The following ALOXE3 variants were observed in gnomAD, a reference collection of about 807,000 sequenced individuals.
ALOXE3 encodes the protein hydroperoxide isomerase ALOXE3.
A neutral mutation model predicts 87.5 loss-of-function variants in ALOXE3; 78 were observed. That is an observed-to-expected ratio of 0.89 (90% CI 0.74 to 1.08). The LOEUF is 1.08. ALOXE3 is among the 50% of genes least tolerant of loss of function. ALOXE3 has a pLI of 0.00. For synonymous variants in ALOXE3, 363 were observed against 370.8 expected, an observed-to-expected ratio of 0.98 and a Z score of 0.24; for missense variants, 946 against 912.4, an observed-to-expected ratio of 1.04 and a Z score of -0.47.
intron 15 of ALOXE3, among the ~76,000 whole-genome samples, chr17:8,100,603 T>G (rs910950477): frequency 2.0e-5 from 3 of 152,222 alleles, no homozygotes; most frequent in African/African-American, 7.2e-5. Context: ...TGACATCTAA[T>G]TTCTTTTTTT....
At position 8,118,260 on chromosome 17, in the gene ALOXE3, C is replaced by T. The variant is rs1395571051; in HGVS notation, c.-270G>A. On this transcript the variant is annotated 5_prime_UTR_variant, in exon 2 of 16. Transcript: ENST00000448843. The stretch of plus-strand genomic sequence containing the variant: ...TGCTTGCCTCTGACACAGCCGGTCC[C>T]TCTGGCTGGCTCACCCAGATGGATA... 3 of 1,551,714 alleles carry T rather than the reference C, an allele frequency of 1.9e-6. No individual in the cohort carries two copies. Among genetic ancestry groups the T allele is most frequent in the Non-Finnish European group, 1.7e-6 (2 of 1,146,998 alleles).
Position 8,109,273 on chromosome 17 carries a change from T to C in ALOXE3, c.1463A>G (p.Asn488Ser), listed in dbSNP as rs148978476. ...STGLAHFTYTNFCLPDSLRAR... is the reference protein window; with the variant it reads ...STGLAHFTYTSFCLPDSLRAR... ...CCGCAGGCTGTCCGGAAGGCAGAAA[T>C]TGGTGTAGGTGAAGTGGGCCAGGCC... The change falls in exon 12 of 16, where the codon AAT becomes AGT. Residue 488 changes from asparagine to serine, a missense_variant. Asn to Ser is a conservative substitution (Grantham distance 46). Coordinates refer to ENST00000448843, the MANE Select transcript of ALOXE3 (RefSeq NM_021628.3). 3.7e-6 allele frequency: 6 copies of C among 1,614,006 alleles called. No individual in the cohort carries two copies. The African/African-American group carries it at 8.0e-5, about 22-fold the overall frequency.
chr17:8,111,365 C>T lies in ALOXE3; in HGVS notation c.951G>A (p.Glu317=), dbSNP rs1980066150. ...LLGQDTCLQT[E]LERGNIFLAD... ...TGCCCAGATCCTTACCCACCTCTAGCTCTGTCTGCAGGCATGTGTCCTGTC... is the reference window on the plus strand; with the variant it reads ...TGCCCAGATCCTTACCCACCTCTAGTTCTGTCTGCAGGCATGTGTCCTGTC... Residue 317 remains glutamate (E), a synonymous_variant, in exon 8 of 16, where the codon GAG becomes GAA. Coordinates refer to ENST00000448843, the MANE Select transcript of ALOXE3 (RefSeq NM_021628.3). The T allele has an allele frequency of 1.9e-6, 3 of 1,613,086 alleles. No individual in the cohort carries two copies. The highest frequency in any genetic ancestry group is 1.7e-6 in the Non-Finnish European group (2 of 1,180,036).
At position 8,107,897 on chromosome 17, in the gene ALOXE3, GAA is replaced by G. The variant is rs1356993530; in HGVS notation, c.1684+569_1684+570del. Among the ~76,000 whole-genome samples the G allele has an allele frequency of 1.2e-3, 6 of 4,820 alleles. 3 individuals are homozygous for G. Among genetic ancestry groups the G allele is most frequent in the African/African-American group, 4.9e-3 (6 of 1,224 alleles). The allele number at this position is 4,820 out of a possible 152,430, so 3.2% of individuals were successfully genotyped here. ...AGAAAGAAAGAAAGAAAGAAAGAAA[GAA>G]AGAAAGAAAGAAAGAAAGAAAGAAA... On this transcript the variant is annotated intron_variant, in intron 13 of 15. Coordinates refer to ENST00000448843, the MANE Select transcript of ALOXE3 (RefSeq NM_021628.3).
In ALOXE3 at chr17:8,115,622, C is replaced by A; in HGVS notation, c.419G>T (p.Arg140Leu). 1.2e-6 allele frequency: 2 copies of A among 1,613,836 alleles called. No homozygotes were observed. Among genetic ancestry groups the A allele is most frequent in the South Asian group, 2.2e-5 (2 of 91,068 alleles). Reference sequence around the variant, plus strand: ...CCACCCTCACCGGTAGCATTCTTGTCGGGCCCGGAGCTCCCGTGTCCTGTG... The same window carrying A: ...CCACCCTCACCGGTAGCATTCTTGTAGGGCCCGGAGCTCCCGTGTCCTGTG... The part of the protein sequence containing the change: ...LDHRTRELRA[R>L]QECYRWKIYA... Residue 140 changes from arginine to leucine, a missense_variant, in exon 4 of 16, where the codon CGA (arginine) becomes CTA (leucine). Transcript: ENST00000448843.
intron 15 of ALOXE3, among the ~76,000 whole-genome samples, chr17:8,100,126 G>A (rs1287142163): frequency 6.6e-5 from 10 of 151,574 alleles, no homozygotes; most frequent in Non-Finnish European, 5.9e-5. Flanking sequence ...AGAAAGAGAG[G>A]GAGGGAGGGA....
intron 15 of ALOXE3, among the ~76,000 whole-genome samples, chr17:8,100,241 G>A (rs539023911): frequency 6.6e-6 from 1 of 152,256 alleles, no homozygotes; most frequent in African/African-American, 2.4e-5. Flanking sequence ...TTGCAATCTT[G>A]GAAGCCAGCC....
rs71159546 is a variant in ALOXE3, at chr17:8,098,234, G to GTTTTTTTTTTT, written c.1957-1439_1957-1429dup. Among the ~76,000 whole-genome samples, 83 of 87,506 alleles carry GTTTTTTTTTTT rather than the reference G, an allele frequency of 9.5e-4. 3 individuals are homozygous for GTTTTTTTTTTT. Among genetic ancestry groups the GTTTTTTTTTTT allele is most frequent in the East Asian group, 2.3e-3 (6 of 2,598 alleles). 57.4% of individuals were successfully genotyped at this position (87,506 alleles called of 152,430 possible). On this transcript the variant is annotated intron_variant, in intron 15 of 15. Coordinates refer to ENST00000448843, the MANE Select transcript of ALOXE3 (RefSeq NM_021628.3). ...TTTTTGAAATATACTTTTGGTTTTT[G>GTTTTTTTTTTT]TTTTTTTTTTTTTTTTTTTTTTGAG...
chr17:8,114,490 A>T lies in ALOXE3; in HGVS notation c.674T>A (p.Ile225Asn). Residue 225 changes from isoleucine to asparagine, a missense_variant, in exon 6 of 16, where the codon ATC becomes AAC. By Grantham distance (149) the Ile-to-Asn change is moderately radical (BLOSUM62 -3). Coordinates refer to ENST00000448843, the MANE Select transcript of ALOXE3 (RefSeq NM_021628.3). ...TKTISLLFNA[I>N]PASLGMKLRG... ...AGAGGGACAATGGCCTTACGCAGGGATGGCATTGAAGAGCAGCGAGATCGT... is the reference window on the plus strand; with the variant it reads ...AGAGGGACAATGGCCTTACGCAGGGTTGGCATTGAAGAGCAGCGAGATCGT... The T allele has an allele frequency of 6.2e-7, 1 of 1,613,978 alleles. No homozygotes were observed. Among genetic ancestry groups the T allele is most frequent in the Non-Finnish European group, 8.5e-7 (1 of 1,179,950 alleles).
rs192330453 is a variant in ALOXE3, at chr17:8,108,037, A to G, written c.1684+431T>C. On this transcript the variant is annotated intron_variant, in intron 13 of 15. Transcript: ENST00000448843. ...AAAGAAAGAAAGAAAGAAAGAAAGA[A>G]AGAAAGAAAGAAAGAAAGAAAGAAA... Among the ~76,000 whole-genome samples, 6 of 143,970 alleles carry G rather than the reference A, an allele frequency of 4.2e-5. 1 individual carries two copies. The highest frequency in any genetic ancestry group is 2.2e-4 in the Admixed American group (3 of 13,744). 94.4% of individuals were successfully genotyped at this position (143,970 alleles called of 152,430 possible). A position where few individuals can be genotyped will look rare whatever the true frequency, so the allele number is the denominator to read the frequency against.
At chr17:8,118,688 C>G, upstream of ALOXE3, 1 of 1,537,328 alleles carries the variant, frequency 6.5e-7, no homozygotes, top group Non-Finnish European at 8.7e-7. Context: ...GCCTTTGGCA[C>G]GCCCGACCTC....
In ALOXE3 at chr17:8,116,982, T is replaced by C; in HGVS notation, c.148-2A>G. The C allele has an allele frequency of 6.2e-7, 1 of 1,613,126 alleles. No homozygotes were observed. ...GCAACGCACCTTGTACTTCTGTACC[T>C]GAGGGGACCAAGACAGCAAGCAGGT... is the stretch of plus-strand genomic sequence containing the variant. On this transcript the variant is annotated splice_acceptor_variant, in intron 2 of 15. Coordinates refer to ENST00000448843, the MANE Select transcript of ALOXE3 (RefSeq NM_021628.3). LOFTEE classifies it high-confidence loss of function.
Position 8,103,503 on chromosome 17 carries a change from C to T in ALOXE3, c.1786-10G>A, listed in dbSNP as rs148606343. The T allele has an allele frequency of 1.2e-3, 1,875 of 1,613,756 alleles. 21 individuals carry two copies. Among genetic ancestry groups the T allele is most frequent in the African/African-American group, 7.5e-3 (559 of 75,004 alleles). ...AGGCCCCAAAGTCATGCTGTGGAGA[C>T]CCCCATCCCAGTTGGGTCAGTTGGC... is the stretch of plus-strand genomic sequence containing the variant. On this transcript the variant is annotated splice_polypyrimidine_tract_variant and intron_variant, in intron 14 of 15. Coordinates refer to ENST00000448843, the MANE Select transcript of ALOXE3 (RefSeq NM_021628.3).
At chr17:8,100,560 G>T (rs1226593486) in intron 15 of ALOXE3, among the ~76,000 whole-genome samples, 3 of 152,108 alleles carry the variant, frequency 2.0e-5, no homozygotes. Context: ...GGTTTTTTTT[G>T]AAATAACAAG....
At chr17:8,110,352 G>A in intron 9 of ALOXE3, 33 bp downstream of exon 9, 2 of 1,606,912 alleles carry the variant, frequency 1.2e-6, no homozygotes, top group Non-Finnish European at 1.7e-6. Context: ...TAGCACCTGA[G>A]CCCCCATCCC....
At chr17:8,115,473 G>A (rs1250604991) in intron 4 of ALOXE3, 134 bp downstream of exon 4, 3 of 882,180 alleles carry the variant, frequency 3.4e-6, no homozygotes, top group East Asian at 2.6e-5. Context: ...ATTAAAGTGG[G>A]GTTAGGTCCA....
At chr17:8,104,800 A>G (rs140619888) in intron 13 of ALOXE3, among the ~76,000 whole-genome samples, 38 of 152,256 alleles carry the variant, frequency 2.5e-4, no homozygotes, top group Non-Finnish European at 2.1e-4. Flanking sequence ...AAGATGGATG[A>G]GCCTCCAATG....
chr17:8,117,804 C>A (rs775024928), intron 2 of ALOXE3, 40 bp downstream of exon 2: 4 of 1,600,038 alleles, frequency 2.5e-6, no homozygotes, highest in Admixed American at 1.7e-5. Context: ...GCGGCCCCTG[C>A]CCCTCTGAGG....
At chr17:8,114,651 G>T (rs1351011784) in intron 5 of ALOXE3, 42 bp from the exon 6 acceptor site, 1 of 1,612,520 alleles carries the variant, frequency 6.2e-7, no homozygotes, top group South Asian at 1.1e-5. Context: ...CAGTCAGTGG[G>T]CCCTGAAGCC....
Sources: allele counts gnomAD v4.1 joint callset (sites outside exome capture counted in the v4.1 genomes callset), GRCh38; gene constraint gnomAD v4.1.1; transcripts MANE v1.5; gene names NCBI Gene and HGNC (gene_info 2026-07-23, HGNC 2026-07-21).